Variants in RNF13 observed in about 807,000 individuals in gnomAD.
The protein encoded by RNF13 is ring finger protein 13.
In RNF13, 19 loss-of-function variants were observed where a neutral mutation model predicts 37.7. The ratio of observed to expected loss-of-function variants is 0.50; its 90% CI spans 0.35 to 0.74. The LOEUF (loss-of-function observed/expected upper bound fraction) is 0.74. RNF13 is among the 30% of genes least tolerant of loss of function. The pLI is 0.01. For missense variants in RNF13, 375 were observed against 453.0 expected (o/e 0.83, Z 1.56); for synonymous variants, 144 against 157.8 (o/e 0.91, Z 0.65).
At chr3:149,869,628 A>G (rs1166887402) in intron 3 of RNF13, among the ~76,000 whole-genome samples, 2 of 151,542 alleles carry the variant, frequency 1.3e-5, no homozygotes, top group Non-Finnish European at 3.0e-5. Flanking sequence ...AAGTTCACAT[A>G]TTGCCATCTT....
At chr3:149,834,611 A>G (rs982838860) in intron 1 of RNF13, among the ~76,000 whole-genome samples, 2 of 152,230 alleles carry the variant, frequency 1.3e-5, no homozygotes, top group Non-Finnish European at 2.9e-5. Flanking sequence ...TGCCGTTCTC[A>G]TGGGAATGAC....
intron 1 of RNF13, among the ~76,000 whole-genome samples, chr3:149,834,577 G>A (rs1044339490): frequency 6.6e-6 from 1 of 152,228 alleles, no homozygotes; most frequent in African/African-American, 2.4e-5. Flanking sequence ...GATTATGGGG[G>A]TAGATCCCTC....
chr3:149,939,644 C>G, intron 8 of RNF13: 1 of 653,742 alleles, frequency 1.5e-6, no homozygotes, highest in Non-Finnish European at 2.9e-6. Context: ...TCCTTTGCTC[C>G]AGTCCCTGAA....
chr3:149,885,147 G>A (rs950480944), intron 4 of RNF13, among the ~76,000 whole-genome samples: 1 of 152,132 alleles, frequency 6.6e-6, no homozygotes, highest in Non-Finnish European at 1.5e-5. Flanking sequence ...CACTTAGGTT[G>A]TTTCCAAGTC....
chr3:149,861,581 C>A (rs1393424275), intron 3 of RNF13, among the ~76,000 whole-genome samples: 1 of 151,936 alleles, frequency 6.6e-6, no homozygotes, highest in African/African-American at 2.4e-5. Flanking sequence ...AAAAGTTGAT[C>A]TTATGGAGGT....
chr3:149,890,710 T>C (rs550808674), intron 4 of RNF13, among the ~76,000 whole-genome samples: 1 of 152,326 alleles, frequency 6.6e-6, no homozygotes, highest in East Asian at 1.9e-4. Flanking sequence ...TCACTATGTT[T>C]TTTGTTTTGT....
At position 149,872,140 on chromosome 3, in the gene RNF13, A is replaced by C; in HGVS notation, c.307A>C (p.Asn103His). ...CGTGTTAATTAGAAGACTTGATTGT[A>C]ATTTTGATATAAAGGTATGATTATC... Reference protein sequence around the residue: ...FIVLIRRLDCNFDIKVLNAQR... With the variant: ...FIVLIRRLDCHFDIKVLNAQR... Residue 103 changes from asparagine (N) to histidine (H), a missense_variant, in exon 4 of 10, where the codon AAT (asparagine) becomes CAT (histidine). Physicochemically the swap from Asn to His is moderately conservative, Grantham distance 68. Transcript: ENST00000392894. 1.9e-6 allele frequency: 3 copies of C among 1,573,390 alleles called. No individual in the cohort carries two copies. The highest frequency in any genetic ancestry group is 2.6e-6 in the Non-Finnish European group (3 of 1,157,696).
intron 8 of RNF13, among the ~76,000 whole-genome samples, chr3:149,953,132 A>G (rs1413574924): frequency 6.6e-6 from 1 of 151,934 alleles, no homozygotes; most frequent in African/African-American, 2.4e-5. Flanking sequence ...TTTTTAAGCT[A>G]GATTACCCAA....
intron 1 of RNF13, chr3:149,817,272 A>G (rs1316204679): frequency 6.6e-6 from 1 of 152,208 alleles, no homozygotes; most frequent in Non-Finnish European, 1.5e-5. Flanking sequence ...AGATGCACCC[A>G]TTATTTTTCC....
chr3:149,960,946 C>T lies in RNF13; in HGVS notation c.988C>T (p.Arg330Cys), dbSNP rs377044020. The change falls in exon 10 of 10, where the codon CGC becomes TGC. Residue 330 changes from arginine (R) to cysteine (C), a missense_variant. Arg to Cys is a radical substitution (Grantham distance 180, BLOSUM62 -3). Coordinates refer to ENST00000392894, the MANE Select transcript of RNF13 (RefSeq NM_183381.3). ...AQSFGALSES[R>C]SHQNMTESSD... Reference sequence around the variant, plus strand: ...GTCATTTGGGGCTTTATCGGAATCCCGCTCACATCAGAACATGACAGAATC... The same window carrying T: ...GTCATTTGGGGCTTTATCGGAATCCTGCTCACATCAGAACATGACAGAATC... 28 of 1,614,050 alleles carry T rather than the reference C, an allele frequency of 1.7e-5. No homozygotes were observed. In the Middle Eastern group the frequency reaches 4.9e-4, roughly 28 times the overall value.
intron 2 of RNF13, among the ~76,000 whole-genome samples, chr3:149,848,281 G>C (rs776539538): frequency 6.6e-6 from 1 of 152,190 alleles, no homozygotes; most frequent in African/African-American, 2.4e-5. Context: ...GGTACTTGTG[G>C]AATGTATGTT....
At chr3:149,825,017 A>G (rs1031884383) in intron 1 of RNF13, among the ~76,000 whole-genome samples, 11 of 150,088 alleles carry the variant, frequency 7.3e-5, no homozygotes, top group Admixed American at 6.0e-4. Context: ...GCTGGAGTGC[A>G]CTGGCGATCA....
intron 3 of RNF13, among the ~76,000 whole-genome samples, chr3:149,856,976 CTGACTTCA>C (rs1195352234): frequency 6.6e-6 from 1 of 152,176 alleles, no homozygotes; most frequent in African/African-American, 2.4e-5. Context: ...TCTCAATCTT[CTGACTTCA>C]TGATCCACCC....
intron 3 of RNF13, among the ~76,000 whole-genome samples, chr3:149,859,491 A>T (rs1310932854): frequency 2.0e-5 from 3 of 151,654 alleles, no homozygotes; most frequent in Non-Finnish European, 4.4e-5. Flanking sequence ...AAGAGGGGAG[A>T]TAAAGACACA....
intron 4 of RNF13, among the ~76,000 whole-genome samples, chr3:149,879,814 A>G (rs1289984188): frequency 1.3e-5 from 2 of 152,178 alleles, no homozygotes; most frequent in East Asian, 1.9e-4. Flanking sequence ...GCAAAGGGAA[A>G]GTCTCTTTGT....
chr3:149,887,629 A>G (rs1198211835), intron 4 of RNF13, among the ~76,000 whole-genome samples: 1 of 152,158 alleles, frequency 6.6e-6, no homozygotes, highest in African/African-American at 2.4e-5. Flanking sequence ...GATTCATTTA[A>G]GTAGATGATT....
At chr3:149,818,605 G>T (rs1289683590) in intron 1 of RNF13, among the ~76,000 whole-genome samples, 1 of 152,140 alleles carries the variant, frequency 6.6e-6, no homozygotes, top group Non-Finnish European at 1.5e-5. Flanking sequence ...ATACCCCCTA[G>T]ATTGAGGGTG....
intron 8 of RNF13, among the ~76,000 whole-genome samples, chr3:149,941,660 G>C (rs1339153002): frequency 1.3e-5 from 2 of 150,940 alleles, no homozygotes; most frequent in East Asian, 3.9e-4. Context: ...TCACTCTGTC[G>C]ATCATGTCTG....
At chr3:149,920,957 CTAAT>C (rs1446206196) in intron 7 of RNF13, among the ~76,000 whole-genome samples, 173 bp from the exon 8 acceptor site, 1 of 152,012 alleles carries the variant, frequency 6.6e-6, no homozygotes, top group Non-Finnish European at 1.5e-5. Context: ...CATGGGTTAA[CTAAT>C]CACTAATGTA....
Sources: gnomAD v4.1 joint callset for allele counts (sites outside exome capture counted in the v4.1 genomes callset) on GRCh38, gnomAD v4.1.1 for gene constraint, MANE v1.5 for transcripts, NCBI Gene and HGNC (gene_info 2026-07-23, HGNC 2026-07-21) for gene names.